Variants in CACNA1A observed in about 807,000 individuals in gnomAD.
CACNA1A encodes calcium voltage-gated channel subunit alpha1 A.
A neutral mutation model predicts 262.4 loss-of-function variants in CACNA1A; 57 were observed. The observed-to-expected ratio is 0.22, with a 90% CI of 0.18 to 0.27. CACNA1A has a LOEUF of 0.27. Among genes scored for constraint, CACNA1A ranks in the 10% least tolerant of loss-of-function variants. The pLI is 1.00. For synonymous variants in CACNA1A, 1,431 were observed against 1,419.3 expected, an observed-to-expected ratio of 1.01 and a Z score of -0.18; for missense variants, 2,526 against 3,562.8, an observed-to-expected ratio of 0.71 and a Z score of 7.41.
At chr19:13,404,094 G>T (rs1380299157) in intron 3 of CACNA1A, among the ~76,000 whole-genome samples, 3 of 152,112 alleles carry the variant, frequency 2.0e-5, no homozygotes, top group African/African-American at 4.8e-5. Flanking sequence ...AAAATGGGTT[G>T]TTGGGAGGAT....
intron 6 of CACNA1A, among the ~76,000 whole-genome samples, chr19:13,355,122 T>C: frequency 6.6e-6 from 1 of 152,070 alleles, no homozygotes; most frequent in Non-Finnish European, 1.5e-5. Context: ...GTGATCTGCC[T>C]GCCTCGGCCT....
intron 1 of CACNA1A, among the ~76,000 whole-genome samples, chr19:13,464,819 A>G (rs548246589): frequency 4.7e-4 from 71 of 152,262 alleles, no homozygotes; most frequent in Admixed American, 1.2e-3. Flanking sequence ...AAGTGCTGGG[A>G]TTACAGGCGT....
intron 3 of CACNA1A, among the ~76,000 whole-genome samples, chr19:13,422,338 T>C (rs1210191786): frequency 1.3e-5 from 2 of 151,932 alleles, no homozygotes; most frequent in Non-Finnish European, 2.9e-5. Flanking sequence ...AAAAGTTCAA[T>C]GTAGCTAGAG....
At chr19:13,399,898 C>T (rs185650036) in intron 3 of CACNA1A, among the ~76,000 whole-genome samples, 37 of 152,214 alleles carry the variant, frequency 2.4e-4, no homozygotes, top group Non-Finnish European at 2.5e-4. Flanking sequence ...AGGGAAGCTA[C>T]GTAACTCAAA....
At chr19:13,394,690 C>A (rs547923283) in intron 3 of CACNA1A, among the ~76,000 whole-genome samples, 1 of 152,124 alleles carries the variant, frequency 6.6e-6, no homozygotes, top group African/African-American at 2.4e-5. Context: ...GGGAGGTGGG[C>A]GCCTATACCC....
intron 3 of CACNA1A, among the ~76,000 whole-genome samples, chr19:13,434,816 G>T (rs1022450684): frequency 6.6e-6 from 1 of 151,662 alleles, no homozygotes; most frequent in South Asian, 2.1e-4. Context: ...TTTTTACAAG[G>T]TCTCACTCTG....
intron 6 of CACNA1A, among the ~76,000 whole-genome samples, chr19:13,347,140 CCCCAACCT>C (rs1276305624): frequency 6.7e-6 from 1 of 149,438 alleles, no homozygotes; most frequent in African/African-American, 2.5e-5. Context: ...CTCACTGCAG[CCCCAACCT>C]CCCAGGCTCA....
chr19:13,435,483 C>T (rs1160957179), intron 3 of CACNA1A, among the ~76,000 whole-genome samples: 2 of 151,976 alleles, frequency 1.3e-5, no homozygotes, highest in Admixed American at 6.6e-5. Context: ...AACTGAGGCT[C>T]AGAGAGACAA....
intron 1 of CACNA1A, among the ~76,000 whole-genome samples, chr19:13,470,207 C>A (rs1002435355): frequency 6.6e-6 from 1 of 152,170 alleles, no homozygotes; most frequent in African/African-American, 2.4e-5. Context: ...CAGCCACCAA[C>A]CAATTTCTCT....
chr19:13,322,947 AC>A (rs2058285282), intron 10 of CACNA1A, among the ~76,000 whole-genome samples: 1 of 152,174 alleles, frequency 6.6e-6, no homozygotes, highest in Admixed American at 6.5e-5. Context: ...AGGGGTTAGA[AC>A]TTCAACAAAC....
chr19:13,231,944 T>G, intron 34 of CACNA1A, 84 bp from the exon 35 acceptor site: 9 of 1,431,094 alleles, frequency 6.3e-6, no homozygotes, highest in Non-Finnish European at 8.6e-6. Flanking sequence ...GCACACACGT[T>G]GAGCACTTGG....
chr19:13,497,521 AATATATATATATAT>A (rs1568709638), intron 1 of CACNA1A, among the ~76,000 whole-genome samples: 72 of 12,548 alleles, frequency 5.7e-3, no homozygotes, highest in Non-Finnish European at 8.4e-3. Context: ...AAAAAAAAAA[AATATATATATATAT>A]ATATATATAT....
At chr19:13,485,304 T>A (rs1979840697) in intron 1 of CACNA1A, among the ~76,000 whole-genome samples, 1 of 151,970 alleles carries the variant, frequency 6.6e-6, no homozygotes, top group African/African-American at 2.4e-5. Context: ...ATAAAATATA[T>A]CCATGGCCTC....
intron 3 of CACNA1A, among the ~76,000 whole-genome samples, chr19:13,373,165 T>C (rs1188178357): frequency 1.3e-5 from 2 of 152,222 alleles, no homozygotes; most frequent in Non-Finnish European, 2.9e-5. Flanking sequence ...TTTCAGTTTA[T>C]TTTTATTTTA....
intron 3 of CACNA1A, among the ~76,000 whole-genome samples, chr19:13,395,411 G>T (rs1051862986): frequency 2.7e-5 from 4 of 150,724 alleles, no homozygotes; most frequent in African/African-American, 7.3e-5. Flanking sequence ...AGCAGTTTGA[G>T]ACCAGCCTGG....
intron 3 of CACNA1A, among the ~76,000 whole-genome samples, chr19:13,423,367 G>A (rs1258251423): frequency 6.6e-6 from 1 of 152,206 alleles, no homozygotes; most frequent in Non-Finnish European, 1.5e-5. Context: ...CAGGAATGGG[G>A]ACAAGTCACA....
intron 3 of CACNA1A, among the ~76,000 whole-genome samples, chr19:13,389,256 G>A (rs1007687751): frequency 6.6e-6 from 1 of 152,146 alleles, no homozygotes; most frequent in Admixed American, 6.6e-5. Context: ...TATGCGGTCT[G>A]GAGCTCTCAC....
intron 1 of CACNA1A, among the ~76,000 whole-genome samples, chr19:13,502,896 A>T (rs564604700): frequency 1.3e-5 from 2 of 152,260 alleles, no homozygotes; most frequent in African/African-American, 4.8e-5. Flanking sequence ...GCATACCGAC[A>T]AGTTCATGGA....
At chr19:13,464,349 T>C (rs1473685043) in intron 1 of CACNA1A, among the ~76,000 whole-genome samples, 2 of 152,144 alleles carry the variant, frequency 1.3e-5, no homozygotes, top group Non-Finnish European at 2.9e-5. Flanking sequence ...CATTGAGCTA[T>C]GATCATACCA....
Sources: allele counts gnomAD v4.1 joint callset (sites outside exome capture counted in the v4.1 genomes callset), GRCh38; gene constraint gnomAD v4.1.1; transcripts MANE v1.5; gene names NCBI Gene and HGNC (gene_info 2026-07-23, HGNC 2026-07-21).